TBC1D12: variants seen among roughly 807,000 people sequenced by gnomAD.
TBC1D12 encodes TBC1 domain family member 12.
In TBC1D12, 56 loss-of-function variants were observed where a neutral mutation model predicts 86.7. That is an observed-to-expected ratio of 0.65 (90% CI 0.52 to 0.81). The LOEUF is 0.81. Ranked by LOEUF, TBC1D12 falls within the 30% of genes least tolerant of loss-of-function variation. The probability of loss-of-function intolerance (pLI) is 0.00; values close to 1 mark genes in which losing one functional copy is unlikely to be tolerated. For synonymous variants in TBC1D12, 421 were observed against 411.7 expected (o/e 1.02, Z -0.27); for missense variants, 1,023 against 1,038.8 (o/e 0.98, Z 0.21).
At chr10:94,463,299 T>C (rs1273322750) in intron 2 of TBC1D12, among the ~76,000 whole-genome samples, 1 of 152,198 alleles carries the variant, frequency 6.6e-6, no homozygotes, top group African/African-American at 2.4e-5. Flanking sequence ...ATTTATTTCT[T>C]ACAGTTACAG....
In TBC1D12 at chr10:94,404,919, G is replaced by T. The variant is rs188987557; in HGVS notation, c.971+1335G>T. On this transcript the variant is annotated intron_variant, in intron 1 of 12. Coordinates refer to ENST00000225235, the MANE Select transcript of TBC1D12 (RefSeq NM_015188.2). ...AAAAATTAGCCGGGCATGTTGGCAG[G>T]CGACTTAATCCCAGCTACTTGGGAG... Among the ~76,000 whole-genome samples, 3 of 151,970 alleles carry T rather than the reference G, an allele frequency of 2.0e-5. No homozygotes were observed. The East Asian group carries it at 5.8e-4, about 29-fold the overall frequency.
At chr10:94,431,982 C>CACT (rs756060719) in intron 1 of TBC1D12, among the ~76,000 whole-genome samples, 5 of 152,206 alleles carry the variant, frequency 3.3e-5, no homozygotes, top group Non-Finnish European at 5.9e-5. Flanking sequence ...TATAGTCAGA[C>CACT]ACTACCTCTG....
intron 2 of TBC1D12, among the ~76,000 whole-genome samples, chr10:94,463,777 G>A (rs921436930): frequency 1.2e-4 from 18 of 152,300 alleles, no homozygotes; most frequent in African/African-American, 4.1e-4. Context: ...GATGTTGAAT[G>A]AAATATTCTG....
At chr10:94,480,532 A>G (rs1180075113) in intron 3 of TBC1D12, among the ~76,000 whole-genome samples, 1 of 151,974 alleles carries the variant, frequency 6.6e-6, no homozygotes, top group Non-Finnish European at 1.5e-5. Context: ...TCTGCTGTTC[A>G]TTATGGTAAT....
chr10:94,524,062 TG>T (rs1842223485), intron 11 of TBC1D12, among the ~76,000 whole-genome samples: 1 of 152,218 alleles, frequency 6.6e-6, no homozygotes, highest in Non-Finnish European at 1.5e-5. Flanking sequence ...TTAGACTTTT[TG>T]TTTGTCATAT....
rs953552180 is a variant in TBC1D12 at position 94,439,683 on chromosome 10, C to T, written c.972-2213C>T. 3.1e-4 allele frequency among the ~76,000 whole-genome samples: 47 copies of T among 152,118 alleles called. 1 individual carries two copies. The highest frequency in any genetic ancestry group is 1.0e-3 in the African/African-American group (43 of 41,414). ...TCCTTCAGTGTCCCTTTGGTGCCCTCTACCCAGAAAGCTTAATAATTTCAT... is the reference window on the plus strand; with the variant it reads ...TCCTTCAGTGTCCCTTTGGTGCCCTTTACCCAGAAAGCTTAATAATTTCAT... On this transcript the variant is annotated intron_variant, in intron 1 of 12. Transcript: ENST00000225235.
intron 9 of TBC1D12, 42 bp from the exon 10 acceptor site, chr10:94,521,913 T>A: frequency 6.6e-7 from 1 of 1,520,978 alleles, no homozygotes; most frequent in South Asian, 1.3e-5. Context: ...TATAGATTTA[T>A]TATTGTAAGT....
intron 1 of TBC1D12, among the ~76,000 whole-genome samples, chr10:94,436,833 G>A (rs1320149535): frequency 6.7e-6 from 1 of 148,876 alleles, no homozygotes; most frequent in Non-Finnish European, 1.5e-5. Context: ...TTAGCCTCCC[G>A]AGTAGCTGGG....
intron 11 of TBC1D12, among the ~76,000 whole-genome samples, chr10:94,525,793 CTT>C (rs1348277684): frequency 2.6e-5 from 4 of 151,176 alleles, no homozygotes; most frequent in South Asian, 2.1e-4. Context: ...TCTTTTCACT[CTT>C]TTGAAGTTTT....
chr10:94,425,394 A>C (rs1429831479), intron 1 of TBC1D12, among the ~76,000 whole-genome samples: 1 of 152,206 alleles, frequency 6.6e-6, no homozygotes, highest in Non-Finnish European at 1.5e-5. Flanking sequence ...AAAATGGTCA[A>C]TTTTGTTCTA....
At chr10:94,493,315 A>C (rs541241819) in intron 3 of TBC1D12, 50 bp from the exon 4 acceptor site, 5 of 1,415,308 alleles carry the variant, frequency 3.5e-6, no homozygotes, top group African/African-American at 1.4e-5. Flanking sequence ...TAGTAAGTTG[A>C]AAGTTAATCT....
At chr10:94,413,687 G>C (rs1224740447) in intron 1 of TBC1D12, among the ~76,000 whole-genome samples, 1 of 151,696 alleles carries the variant, frequency 6.6e-6, no homozygotes, top group Non-Finnish European at 1.5e-5. Context: ...GAGCTAGTTT[G>C]AGAGTGAACT....
intron 2 of TBC1D12, among the ~76,000 whole-genome samples, chr10:94,459,458 G>A (rs192997929): frequency 2.0e-5 from 3 of 152,374 alleles, no homozygotes; most frequent in Admixed American, 6.5e-5. Flanking sequence ...CTGGGGCTGC[G>A]GGTGGAGCTG....
At chr10:94,446,629 A>G (rs577042227) in intron 2 of TBC1D12, among the ~76,000 whole-genome samples, 22 of 152,194 alleles carry the variant, frequency 1.4e-4, no homozygotes, top group African/African-American at 5.1e-4. Flanking sequence ...GGCTCAAGCA[A>G]TCTTCCCGTC....
chr10:94,410,679 C>G (rs2054917721), intron 1 of TBC1D12, among the ~76,000 whole-genome samples: 1 of 152,100 alleles, frequency 6.6e-6, no homozygotes, highest in Admixed American at 6.5e-5. Context: ...AGATCTGTTC[C>G]TAGGGCTTGA....
chr10:94,463,673 A>C (rs2055764704), intron 2 of TBC1D12, among the ~76,000 whole-genome samples: 1 of 152,238 alleles, frequency 6.6e-6, no homozygotes, highest in Admixed American at 6.5e-5. Flanking sequence ...ATGCAATTTT[A>C]GTTTTTTTCA....
In TBC1D12 at chr10:94,512,781, CAA is replaced by C. The variant is rs531998448; in HGVS notation, c.1761+1129_1761+1130del. On this transcript the variant is annotated intron_variant, in intron 9 of 12. Coordinates refer to ENST00000225235, the MANE Select transcript of TBC1D12 (RefSeq NM_015188.2). ...CCTTATAGAGAAAGTTAGATTTGAG[CAA>C]AGAGTCTTTAAACTCTCTTACTCAG... Among the ~76,000 whole-genome samples the C allele has an allele frequency of 4.2e-4, 64 of 152,298 alleles. 1 individual carries two copies. In the South Asian group the frequency reaches 0.013, roughly 31 times the overall value.
chr10:94,472,556 T>C (rs1031771384), intron 2 of TBC1D12, among the ~76,000 whole-genome samples: 9 of 152,212 alleles, frequency 5.9e-5, no homozygotes, highest in Non-Finnish European at 8.8e-5. Context: ...TGTTTGGCAG[T>C]GAAACCAGGT....
At chr10:94,511,102 T>C (rs1308876313) in intron 8 of TBC1D12, among the ~76,000 whole-genome samples, 1 of 142,200 alleles carries the variant, frequency 7.0e-6, no homozygotes, top group Admixed American at 7.1e-5. Context: ...TTTCTTTTTT[T>C]TTTTTTTTTT....
Sources: allele counts gnomAD v4.1 joint callset (sites outside exome capture counted in the v4.1 genomes callset), GRCh38; gene constraint gnomAD v4.1.1; transcripts MANE v1.5; gene names NCBI Gene and HGNC (gene_info 2026-07-23, HGNC 2026-07-21).